The following RP1L1 variants were observed in gnomAD, a reference collection of about 807,000 sequenced individuals.
The protein encoded by RP1L1 is RP1 like 1.
In RP1L1, 27 loss-of-function variants were observed where a neutral mutation model predicts 15.7. The observed-to-expected ratio is 1.72, with a 90% CI of 1.27 to 2.38. The LOEUF (loss-of-function observed/expected upper bound fraction) is 2.38. Among genes scored for constraint, RP1L1 ranks in the 30% most tolerant of loss-of-function variants. The pLI is 0.00. For missense variants in RP1L1, 4,798 were observed against 3,075.9 expected (o/e 1.56, Z -13.24); for synonymous variants, 1,813 against 1,276.7 (o/e 1.42, Z -8.96).
In RP1L1 at chr8:10,609,055, A is replaced by T; in HGVS notation, c.5043T>A (p.Gly1681=). ...GCAGGTCAAAGGCCTCTTTGATGGG[A>T]CCTCTGGTTGCCCCCATTGTGGCCT... ...SPKATMGATR[G]PIKEAFDLQQ... Residue 1681 remains glycine (G), a synonymous_variant, in exon 4 of 4, where the codon GGT becomes GGA. Coordinates refer to ENST00000382483, the MANE Select transcript of RP1L1 (RefSeq NM_178857.6). 6.2e-7 allele frequency: 1 copy of T among 1,613,588 alleles called. No individual in the cohort carries two copies. Among genetic ancestry groups the T allele is most frequent in the South Asian group, 1.1e-5 (1 of 91,056 alleles).
chr8:10,612,494 G>T lies in RP1L1; in HGVS notation c.1604C>A (p.Ser535Ter). Reference protein sequence around the residue: ...ARSEEGASSDSSASTGSHEGS... With the variant: ...ARSEEGASSD ...CTCATGAGAGCCGGTGCTGGCTGAC[G>T]AGTCCGAAGAAGCCCCCTCCTCACT... The change falls in exon 4 of 4, where the codon TCG (serine) becomes TAG (stop). Residue 535 changes from serine to a stop codon, truncating the protein, a stop_gained. Coordinates refer to ENST00000382483, the MANE Select transcript of RP1L1 (RefSeq NM_178857.6). LOFTEE classifies it low-confidence loss of function (END_TRUNC). 2 of 1,612,438 alleles carry T rather than the reference G, an allele frequency of 1.2e-6. No individual in the cohort carries two copies. The highest frequency in any genetic ancestry group is 2.2e-5 in the East Asian group (1 of 44,860).
At position 10,616,499 on chromosome 8, in the gene RP1L1, G is replaced by T; in HGVS notation, c.698C>A (p.Ala233Asp). ...TAAAGTTTCAGCCTCGCTTCTCCTG[G>T]CATTTTTCATGGCTGGGGTTCTGAA... ...EAFRTPAMKN[A>D]RRSEAETLSG... The change falls in exon 3 of 4, where the codon GCC becomes GAC. Residue 233 changes from alanine to aspartate, a missense_variant. By Grantham distance (126) the Ala-to-Asp change is moderately radical. Coordinates refer to ENST00000382483, the MANE Select transcript of RP1L1 (RefSeq NM_178857.6). 1 of 1,614,202 alleles carries T rather than the reference G, an allele frequency of 6.2e-7. No individual in the cohort carries two copies. The highest frequency in any genetic ancestry group is 8.5e-7 in the Non-Finnish European group (1 of 1,180,044).
rs747795572 is a variant in RP1L1 at position 10,608,988 on chromosome 8, C to G, written c.5110G>C (p.Glu1704Gln). 5.0e-6 allele frequency: 8 copies of G among 1,613,206 alleles called. No homozygotes were observed. Among genetic ancestry groups the G allele is most frequent in the Non-Finnish European group, 6.8e-6 (8 of 1,179,208 alleles). Reference sequence around the variant, plus strand: ...TTGCCAGGGGCCACCTCTGCTGCCTCCCCATCAGTGTGTTCTCCCCTCTTC... The same window carrying G: ...TTGCCAGGGGCCACCTCTGCTGCCTGCCCATCAGTGTGTTCTCCCCTCTTC... ...QRKRGEHTDG[E>Q]AAEVAPGKTH... Residue 1704 changes from glutamate to glutamine, a missense_variant, in exon 4 of 4, where the codon GAG becomes CAG. Transcript: ENST00000382483.
At chr8:10,644,795 T>A (rs1057392374) in intron 1 of RP1L1, among the ~76,000 whole-genome samples, 1 of 152,164 alleles carries the variant, frequency 6.6e-6, no homozygotes, top group African/African-American at 2.4e-5. Context: ...AACTCCTTTA[T>A]AATATATTTC....
At chr8:10,622,084 G>T (rs1400153770) in intron 2 of RP1L1, among the ~76,000 whole-genome samples, 2 of 152,096 alleles carry the variant, frequency 1.3e-5, no homozygotes, top group African/African-American at 2.4e-5. Flanking sequence ...CACTTTGGGA[G>T]GCCGAATCGG....
intron 1 of RP1L1, among the ~76,000 whole-genome samples, chr8:10,631,222 C>CAG (rs765978045): frequency 1.4e-5 from 2 of 144,610 alleles, no homozygotes; most frequent in African/African-American, 5.2e-5. Context: ...CACACACACA[C>CAG]AAACGCACAC....
Position 10,613,053 on chromosome 8 carries a change from G to C in RP1L1, c.1045C>G (p.Leu349Val). ...WSRRMGRASALTAASGEDPVL... is the reference protein window; with the variant it reads ...WSRRMGRASAVTAASGEDPVL... ...GGGTCTTCCCCACTGGCTGCCGTGA[G>C]GGCGCTGGCCCTGCCCATCCTCCGG... The change falls in exon 4 of 4, where the codon CTC becomes GTC. Residue 349 changes from leucine to valine, a missense_variant. Physicochemically the swap from Leu to Val is conservative, Grantham distance 32. Coordinates refer to ENST00000382483, the MANE Select transcript of RP1L1 (RefSeq NM_178857.6). 1.2e-6 allele frequency: 2 copies of C among 1,613,610 alleles called. No homozygotes were observed. The highest frequency in any genetic ancestry group is 1.7e-6 in the Non-Finnish European group (2 of 1,180,030).
In RP1L1 at chr8:10,609,040, G is replaced by T. The variant is rs764396809; in HGVS notation, c.5058C>A (p.Ala1686=). The change falls in exon 4 of 4, where the codon GCC becomes GCA. Residue 1686 remains alanine, a synonymous_variant. Transcript: ENST00000382483. ...MGATRGPIKE[A]FDLQQILQRK... The stretch of plus-strand genomic sequence containing the variant: ...TCTGCAGAATCTGCTGCAGGTCAAA[G>T]GCCTCTTTGATGGGACCTCTGGTTG... 1 of 1,613,814 alleles carries T rather than the reference G, an allele frequency of 6.2e-7. No homozygotes were observed. Among genetic ancestry groups the T allele is most frequent in the Non-Finnish European group, 8.5e-7 (1 of 1,179,754 alleles).
chr8:10,626,312 G>A (rs1239028544), intron 1 of RP1L1, among the ~76,000 whole-genome samples: 1 of 152,188 alleles, frequency 6.6e-6, no homozygotes, highest in Non-Finnish European at 1.5e-5. Context: ...CCAGAGGGCT[G>A]AGCAGGGAGA....
At chr8:10,649,828 A>C (rs1798532495) in intron 1 of RP1L1, among the ~76,000 whole-genome samples, 1 of 152,186 alleles carries the variant, frequency 6.6e-6, no homozygotes. Flanking sequence ...CCTGAAGCCC[A>C]TGAGTCTTCC....
chr8:10,612,582 A>T lies in RP1L1; in HGVS notation c.1516T>A (p.Cys506Ser). ...CCGCCCAGCCCTGCTCCATCTATGC[A>T]TAGGCCGGGGTCCTCACCCAGGCTC... The part of the protein sequence containing the change: ...GGSLGEDPGL[C>S]IDGAGLGGPE... Residue 506 changes from cysteine to serine, a missense_variant, in exon 4 of 4, where the codon TGC becomes AGC. Physicochemically the swap from Cys to Ser is moderately radical, Grantham distance 112. Transcript: ENST00000382483. The T allele has an allele frequency of 6.2e-7, 1 of 1,605,150 alleles. No individual in the cohort carries two copies. The highest frequency in any genetic ancestry group is 8.5e-7 in the Non-Finnish European group (1 of 1,179,534).
Position 10,608,103 on chromosome 8 carries a change from C to A in RP1L1, c.5995G>T (p.Asp1999Tyr), listed in dbSNP as rs1411593541. 2.5e-6 allele frequency: 4 copies of A among 1,613,070 alleles called. No individual in the cohort carries two copies. In the African/African-American group the frequency reaches 5.4e-5, roughly 22 times the overall value. ...CCTTCAGCCTCTGGGGCCTCTACAT[C>A]TTCTGACTCTGGCTGGGCCTCCCCT... ...AEGEAQPESEDVEAPEAEGEM... is the reference protein window; with the variant it reads ...AEGEAQPESEYVEAPEAEGEM... The change falls in exon 4 of 4, where the codon GAT becomes TAT. Residue 1999 changes from aspartate (D) to tyrosine (Y), a missense_variant. By Grantham distance (160) the Asp-to-Tyr change is radical (BLOSUM62 -3). Coordinates refer to ENST00000382483, the MANE Select transcript of RP1L1 (RefSeq NM_178857.6).
At chr8:10,643,907 A>C (rs1269999516) in intron 1 of RP1L1, among the ~76,000 whole-genome samples, 1 of 151,960 alleles carries the variant, frequency 6.6e-6, no homozygotes, top group Non-Finnish European at 1.5e-5. Flanking sequence ...CTGCAAGACC[A>C]GGGCAACAAA....
At position 10,607,553 on chromosome 8, in the gene RP1L1, G is replaced by A. The variant is rs183570817; in HGVS notation, c.6545C>T (p.Ala2182Val). The A allele has an allele frequency of 7.7e-6, 12 of 1,566,760 alleles. No individual in the cohort carries two copies. The East Asian group carries it at 1.6e-4, about 21-fold the overall frequency. Residue 2182 changes from alanine to valine, a missense_variant, in exon 4 of 4, where the codon GCC becomes GTC. By Grantham distance (64) the Ala-to-Val change is moderately conservative (BLOSUM62 0). Transcript: ENST00000382483. ...CTGGGCCTCCCCTTCTGCCTCTGGG[G>A]CCTCTACACCTTCTAACTCTGGTTG... ...EAQPELEGVE[A>V]PEAEGEAQPE...
rs768123576 is a variant in RP1L1 at position 10,610,769 on chromosome 8, C to T, written c.3329G>A (p.Arg1110Lys). 6.8e-6 allele frequency: 11 copies of T among 1,613,326 alleles called. No individual in the cohort carries two copies. The highest frequency in any genetic ancestry group is 9.3e-6 in the Non-Finnish European group (11 of 1,180,000). ...GAGGGCCCCGGCTGAGCAGCTGAGC[C>T]TCCTGGCCATGGGCCTAGACACTTC... is the stretch of plus-strand genomic sequence containing the variant. ...VPEVSRPMARRLSCSAGALIT... is the reference protein window; with the variant it reads ...VPEVSRPMARKLSCSAGALIT... Residue 1110 changes from arginine to lysine, a missense_variant, in exon 4 of 4, where the codon AGG (arginine) becomes AAG (lysine). Coordinates refer to ENST00000382483, the MANE Select transcript of RP1L1 (RefSeq NM_178857.6).
chr8:10,615,726 G>C (rs984867441), intron 3 of RP1L1, among the ~76,000 whole-genome samples: 6 of 151,978 alleles, frequency 3.9e-5, no homozygotes, highest in Non-Finnish European at 7.4e-5. Flanking sequence ...GTTTGTGGTA[G>C]AGGCAGGGTC....
chr8:10,614,685 GA>G (rs1797937345), intron 3 of RP1L1, among the ~76,000 whole-genome samples: 3 of 98,154 alleles, frequency 3.1e-5, no homozygotes, highest in African/African-American at 1.1e-4. Flanking sequence ...AAAAAGAAAA[GA>G]AAAAAGAAAG....
intron 1 of RP1L1, among the ~76,000 whole-genome samples, chr8:10,648,976 G>T (rs997106472): frequency 5.9e-5 from 9 of 152,192 alleles, no homozygotes; most frequent in African/African-American, 1.7e-4. Flanking sequence ...AGGCAGGAGG[G>T]GCCAGGGCAG....
In RP1L1 at chr8:10,611,042, C is replaced by T. The variant is rs772450211; in HGVS notation, c.3056G>A (p.Gly1019Asp). 1.2e-6 allele frequency: 2 copies of T among 1,612,776 alleles called. No homozygotes were observed. The change falls in exon 4 of 4, where the codon GGC becomes GAC. Residue 1019 changes from glycine (G) to aspartate (D), a missense_variant. Coordinates refer to ENST00000382483, the MANE Select transcript of RP1L1 (RefSeq NM_178857.6). Reference sequence around the variant, plus strand: ...GGCTCCCTCTGGCTCTGGGTCCTGGCCGGGGTCCCCTTCCAGGGACTGCTG... The same window carrying T: ...GGCTCCCTCTGGCTCTGGGTCCTGGTCGGGGTCCCCTTCCAGGGACTGCTG... ...AGQQSLEGDP[G>D]QDPEPEGALL... is the part of the protein sequence containing the mutation.
Sources: gnomAD v4.1 joint callset for allele counts (sites outside exome capture counted in the v4.1 genomes callset) on GRCh38, gnomAD v4.1.1 for gene constraint, MANE v1.5 for transcripts, NCBI Gene and HGNC (gene_info 2026-07-23, HGNC 2026-07-21) for gene names.